The following ZNF624 variants were observed in gnomAD, a reference collection of about 807,000 sequenced individuals.
The protein encoded by ZNF624 is zinc finger protein 624.
ZNF624 carries 43 observed loss-of-function variants against 74.7 expected under a neutral mutation model. The ratio of observed to expected loss-of-function variants is 0.58; its 90% CI spans 0.45 to 0.74. The LOEUF is 0.74. Ranked by LOEUF, ZNF624 falls within the 30% of genes least tolerant of loss-of-function variation. The pLI is 0.00. For synonymous variants in ZNF624, 331 were observed against 341.3 expected, an observed-to-expected ratio of 0.97 and a Z score of 0.33; for missense variants, 820 against 1,030.0, an observed-to-expected ratio of 0.80 and a Z score of 2.79.
At chr17:16,627,044 C>G (rs910039896) in intron 5 of ZNF624, among the ~76,000 whole-genome samples, 2 of 152,058 alleles carry the variant, frequency 1.3e-5, no homozygotes, top group Non-Finnish European at 2.9e-5. Flanking sequence ...ACAAGAGAGA[C>G]TCCATCTCAA....
At chr17:16,646,972 G>T (rs8074487) in intron 3 of ZNF624, among the ~76,000 whole-genome samples, 35,278 of 152,052 alleles carry the variant, frequency 0.23, 4,552 homozygotes, top group East Asian at 0.35. Context: ...AAGAAATCCT[G>T]AAGAAATAAA....
chr17:16,617,054 G>A (rs531794186), downstream of ZNF624: 51 of 1,610,958 alleles, frequency 3.2e-5, no homozygotes, highest in East Asian at 7.8e-4. Flanking sequence ...GATCCGGACC[G>A]AGACCTGCTT....
downstream of ZNF624, chr17:16,617,082 A>G (rs1908806350): frequency 3.7e-6 from 6 of 1,612,164 alleles, no homozygotes; most frequent in South Asian, 5.5e-5. Flanking sequence ...TCTCATACTC[A>G]TCCTTAGATC....
chr17:16,619,925 T>G (rs930514989), downstream of ZNF624, among the ~76,000 whole-genome samples: 1 of 152,212 alleles, frequency 6.6e-6, no homozygotes, highest in Admixed American at 6.5e-5. Flanking sequence ...GGTCTGACTC[T>G]CAAACCTTTC....
At chr17:16,650,534 C>G (rs745952712) in intron 1 of ZNF624, among the ~76,000 whole-genome samples, 1 of 151,958 alleles carries the variant, frequency 6.6e-6, no homozygotes, top group Non-Finnish European at 1.5e-5. Flanking sequence ...TCCTATGGAG[C>G]AACAGGGTGG....
chr17:16,640,078 AATG>A (rs34516265), intron 3 of ZNF624, among the ~76,000 whole-genome samples: 25,508 of 152,080 alleles, frequency 0.17, 2,834 homozygotes, highest in South Asian at 0.3. Flanking sequence ...AAATTGTGAG[AATG>A]ATATTTCACT....
At chr17:16,649,373 T>C (rs1034125206) in intron 2 of ZNF624, among the ~76,000 whole-genome samples, 2 of 152,196 alleles carry the variant, frequency 1.3e-5, no homozygotes, top group Non-Finnish European at 2.9e-5. Flanking sequence ...AACTAAAATT[T>C]CCTGGGAACA....
intron 3 of ZNF624, among the ~76,000 whole-genome samples, chr17:16,646,722 T>A (rs185858413): frequency 2.6e-5 from 4 of 152,212 alleles, no homozygotes; most frequent in Non-Finnish European, 4.4e-5. Context: ...CAAGTTAATA[T>A]CTAACTTTTA....
chr17:16,617,178 A>G, downstream of ZNF624: 2 of 1,612,694 alleles, frequency 1.2e-6, no homozygotes, highest in East Asian at 2.2e-5. Context: ...TTGATCGAGA[A>G]CGTGATCGAC....
chr17:16,636,545 A>G (rs1013292764), intron 3 of ZNF624, among the ~76,000 whole-genome samples: 2 of 152,180 alleles, frequency 1.3e-5, no homozygotes, highest in African/African-American at 4.8e-5. Flanking sequence ...TTAAAAATCA[A>G]AAATCTCAGG....
chr17:16,640,053 A>G (rs964070317), intron 3 of ZNF624, among the ~76,000 whole-genome samples: 1 of 150,778 alleles, frequency 6.6e-6, no homozygotes, highest in African/African-American at 2.5e-5. Flanking sequence ...AAAACCATGT[A>G]TAAAGATTTA....
chr17:16,651,082 T>C lies in ZNF624; in HGVS notation c.-2-1336A>G, dbSNP rs551038991. On this transcript the variant is annotated intron_variant, in intron 1 of 5. Transcript: ENST00000311331. ...GTATACTGAAACATATACTGTCAGA[T>C]TAATGTATTAACTCAAGGAGGAGAC... Among the ~76,000 whole-genome samples the C allele has an allele frequency of 4.6e-5, 7 of 152,190 alleles. No homozygotes were observed. In the East Asian group the frequency reaches 1.4e-3, roughly 29 times the overall value.
At chr17:16,651,944 A>T (rs1256607662) in intron 1 of ZNF624, among the ~76,000 whole-genome samples, 1 of 152,190 alleles carries the variant, frequency 6.6e-6, no homozygotes, top group Non-Finnish European at 1.5e-5. Flanking sequence ...ATATAATGTT[A>T]AATTATATAA....
chr17:16,634,483 T>C, intron 4 of ZNF624, 147 bp downstream of exon 4: 3 of 765,844 alleles, frequency 3.9e-6, no homozygotes, highest in South Asian at 2.3e-5. Flanking sequence ...AATGGGCAGA[T>C]CATGTAGTTA....
At chr17:16,624,985 C>T (rs1400085729) in intron 5 of ZNF624, among the ~76,000 whole-genome samples, 10 of 140,874 alleles carry the variant, frequency 7.1e-5, no homozygotes, top group Non-Finnish European at 1.5e-5. Context: ...TGCAGTGAGC[C>T]AAGATTGTGC....
the ZNF624 span, among the ~76,000 whole-genome samples, chr17:16,614,848 C>T: frequency 6.6e-6 from 1 of 152,048 alleles, no homozygotes; most frequent in South Asian, 2.1e-4. Context: ...CCACAATGAC[C>T]AAATGAAATC....
At chr17:16,642,173 G>T (rs1233018347) in intron 3 of ZNF624, among the ~76,000 whole-genome samples, 2 of 152,042 alleles carry the variant, frequency 1.3e-5, no homozygotes, top group Non-Finnish European at 2.9e-5. Context: ...AATTCATTTG[G>T]AAGTGAATTT....
At chr17:16,628,173 G>A (rs903339527) in intron 5 of ZNF624, among the ~76,000 whole-genome samples, 1 of 152,152 alleles carries the variant, frequency 6.6e-6, no homozygotes, top group African/African-American at 2.4e-5. Flanking sequence ...TGAAGCAGGA[G>A]AATCACTTGA....
chr17:16,625,654 T>C (rs1202745930), intron 5 of ZNF624, among the ~76,000 whole-genome samples: 2 of 152,226 alleles, frequency 1.3e-5, no homozygotes, highest in African/African-American at 2.4e-5. Flanking sequence ...CAAAAGTTAA[T>C]ATTTATACTT....
Sources: gnomAD v4.1 joint callset for allele counts (sites outside exome capture counted in the v4.1 genomes callset) on GRCh38, gnomAD v4.1.1 for gene constraint, MANE v1.5 for transcripts, NCBI Gene and HGNC (gene_info 2026-07-23, HGNC 2026-07-21) for gene names.